Variants in TMEM178B observed in about 807,000 individuals in gnomAD.
The protein encoded by TMEM178B is transmembrane protein 178B.
Under a neutral mutation model 31.0 loss-of-function variants are expected in TMEM178B, and 5 were observed. The ratio of observed to expected loss-of-function variants is 0.16; its 90% CI spans 0.08 to 0.34. TMEM178B has a LOEUF of 0.34. Among genes scored for constraint, TMEM178B ranks in the 10% least tolerant of loss-of-function variants. The probability of loss-of-function intolerance (pLI) is 1.00; values close to 1 mark genes in which losing one functional copy is unlikely to be tolerated. For synonymous variants in TMEM178B, 164 were observed against 164.0 expected, an observed-to-expected ratio of 1.00 and a Z score of 0.00; for missense variants, 275 against 400.3, an observed-to-expected ratio of 0.69 and a Z score of 2.67.
At chr7:141,139,112 A>T (rs1362672012) in intron 1 of TMEM178B, among the ~76,000 whole-genome samples, 1 of 152,224 alleles carries the variant, frequency 6.6e-6, no homozygotes, top group South Asian at 2.1e-4. Context: ...CGCCAAAGTT[A>T]AACTTTATCT....
chr7:141,492,681 C>T, the TMEM178B span, among the ~76,000 whole-genome samples: 200 of 152,282 alleles, frequency 1.3e-3, no homozygotes, highest in African/African-American at 4.6e-3. Context: ...CTTCCACCTT[C>T]GTTTCATTTT....
At chr7:141,427,998 G>C (rs1197354465) in intron 2 of TMEM178B, among the ~76,000 whole-genome samples, 1 of 152,172 alleles carries the variant, frequency 6.6e-6, no homozygotes, top group African/African-American at 2.4e-5. Flanking sequence ...AAAACTGTTA[G>C]AGCAGGTAGT....
intron 3 of TMEM178B, among the ~76,000 whole-genome samples, chr7:141,444,136 A>G (rs1361407442): frequency 6.6e-6 from 1 of 152,204 alleles, no homozygotes; most frequent in Non-Finnish European, 1.5e-5. Flanking sequence ...TATTAGAGAA[A>G]GGTATCAGAA....
rs370827990 is a variant in TMEM178B at position 141,142,410 on chromosome 7, T to C, written c.382+67718T>C. Among the ~76,000 whole-genome samples, 92 of 151,630 alleles carry C rather than the reference T, an allele frequency of 6.1e-4. 4 individuals are homozygous for C. Among genetic ancestry groups the C allele is most frequent in the African/African-American group, 2.0e-3 (82 of 41,358 alleles). Reference sequence around the variant, plus strand: ...AATTTATTTTCTTTTTTCTTTTCTTTCTTTTTTTTTTTTTTGAGATGGAGT... The same window carrying C: ...AATTTATTTTCTTTTTTCTTTTCTTCCTTTTTTTTTTTTTTGAGATGGAGT... On this transcript the variant is annotated intron_variant, in intron 1 of 3. Transcript: ENST00000565468.
At chr7:141,359,946 AC>A (rs1292174807) in intron 2 of TMEM178B, among the ~76,000 whole-genome samples, 1 of 152,198 alleles carries the variant, frequency 6.6e-6, no homozygotes, top group Non-Finnish European at 1.5e-5. Flanking sequence ...CCTTCATGAA[AC>A]CATCAGATCT....
At chr7:141,141,288 T>A (rs1276284587) in intron 1 of TMEM178B, among the ~76,000 whole-genome samples, 2 of 152,150 alleles carry the variant, frequency 1.3e-5, no homozygotes, top group East Asian at 3.8e-4. Context: ...CCATCAATTT[T>A]TTTTTTCATC....
At chr7:141,441,520 G>T (rs1344521541) in intron 3 of TMEM178B, among the ~76,000 whole-genome samples, 2 of 152,168 alleles carry the variant, frequency 1.3e-5, no homozygotes, top group East Asian at 3.8e-4. Context: ...CTATAACCGA[G>T]CACCGACAGG....
intron 2 of TMEM178B, among the ~76,000 whole-genome samples, chr7:141,414,075 A>ATTTTTTTTT (rs1179943997): frequency 1.7e-5 from 1 of 58,348 alleles, no homozygotes; most frequent in Non-Finnish European, 3.0e-5. Context: ...CAAAAACATC[A>ATTTTTTTTT]TTTTTTTTTT....
At chr7:141,089,858 T>C (rs565813124) in intron 1 of TMEM178B, among the ~76,000 whole-genome samples, 245 of 151,454 alleles carry the variant, frequency 1.6e-3, no homozygotes, top group Middle Eastern at 3.4e-3. Flanking sequence ...CAGGGCCTGT[T>C]GTGGGGTTGG....
intron 2 of TMEM178B, among the ~76,000 whole-genome samples, chr7:141,279,431 G>A (rs1428906346): frequency 5.9e-5 from 9 of 152,176 alleles, no homozygotes; most frequent in Admixed American, 5.9e-4. Context: ...TTTATGAGAG[G>A]ATTTTATAGG....
At chr7:141,185,377 G>A (rs1435891203) in intron 1 of TMEM178B, among the ~76,000 whole-genome samples, 7 of 152,176 alleles carry the variant, frequency 4.6e-5, no homozygotes, top group Admixed American at 4.6e-4. Flanking sequence ...CTCAGCAGAT[G>A]AGGGAGCCAG....
chr7:141,184,087 C>A (rs1796571781), intron 1 of TMEM178B, among the ~76,000 whole-genome samples: 1 of 152,182 alleles, frequency 6.6e-6, no homozygotes, highest in Non-Finnish European at 1.5e-5. Flanking sequence ...TTGCAGAGTT[C>A]CCTGCAGAAC....
Position 141,477,363 on chromosome 7 carries a change from G to A in TMEM178B, c.*6577G>A, listed in dbSNP as rs80329458. On this transcript the variant is annotated 3_prime_UTR_variant, in exon 4 of 4. Coordinates refer to ENST00000565468, the MANE Select transcript of TMEM178B (RefSeq NM_001195278.2). The stretch of plus-strand genomic sequence containing the variant: ...TAGTTTTCTGAGGACTTCTGTGGAC[G>A]GCCCTAAAATCCTGAGTTAGGGTGG... 552 of 153,906 alleles carry A rather than the reference G, an allele frequency of 3.6e-3. 19 individuals carry two copies. The East Asian group carries it at 0.079, about 22-fold the overall frequency. The allele number at this position is 153,906 out of a possible 1,614,324, so 9.5% of individuals were successfully genotyped here. A position where few individuals can be genotyped will look rare whatever the true frequency, so the allele number is the denominator to read the frequency against.
Position 141,312,101 on chromosome 7 carries a change from A to G in TMEM178B, c.496+99397A>G, listed in dbSNP as rs368543137. The stretch of plus-strand genomic sequence containing the variant: ...CCTGGGTGGTCTTACTTATTCTCAC[A>G]TTTCCCATTACCTCCCATATGCTGT... On this transcript the variant is annotated intron_variant, in intron 2 of 3. Coordinates refer to ENST00000565468, the MANE Select transcript of TMEM178B (RefSeq NM_001195278.2). Among the ~76,000 whole-genome samples, 3 of 152,056 alleles carry G rather than the reference A, an allele frequency of 2.0e-5. No homozygotes were observed. In the South Asian group the frequency reaches 6.2e-4, roughly 32 times the overall value.
chr7:141,220,048 G>C (rs1390337048), intron 2 of TMEM178B, among the ~76,000 whole-genome samples: 1 of 152,106 alleles, frequency 6.6e-6, no homozygotes, highest in Non-Finnish European at 1.5e-5. Context: ...GGCCAGGCAT[G>C]GTGTCTCGTG....
At chr7:141,230,825 AGATTACAAGACAGCT>A (rs1270087211) in intron 2 of TMEM178B, among the ~76,000 whole-genome samples, 1 of 152,012 alleles carries the variant, frequency 6.6e-6, no homozygotes, top group African/African-American at 2.4e-5. Context: ...TATTTTTTGT[AGATTACAAGACAGCT>A]CAGAGGTTCT....
rs373280465 is a variant in TMEM178B, at chr7:141,355,299, G to A, written c.497-82309G>A. Among the ~76,000 whole-genome samples the A allele has an allele frequency of 4.6e-5, 7 of 152,176 alleles. No individual in the cohort carries two copies. In the East Asian group the frequency reaches 5.8e-4, roughly 13 times the overall value. On this transcript the variant is annotated intron_variant, in intron 2 of 3. Coordinates refer to ENST00000565468, the MANE Select transcript of TMEM178B (RefSeq NM_001195278.2). ...TAAAGGGAGTCAAAGGGGTGGATGGGAAATCTGGGGAAGAAAAACAGAGCC... is the reference window on the plus strand; with the variant it reads ...TAAAGGGAGTCAAAGGGGTGGATGGAAAATCTGGGGAAGAAAAACAGAGCC...
chr7:141,276,959 T>A (rs1586865474), intron 2 of TMEM178B, among the ~76,000 whole-genome samples: 2 of 152,306 alleles, frequency 1.3e-5, no homozygotes, highest in Admixed American at 1.3e-4. Context: ...AAAAATGCTA[T>A]ACCTGTATAG....
rs919941574 is a variant in TMEM178B at position 141,174,974 on chromosome 7, C to T, written c.383-37617C>T. ...GAAGCTCTTTAGTTTAATCAGATCC[C>T]GTTTGTCAATTTTGGCTTTTGTTGC... On this transcript the variant is annotated intron_variant, in intron 1 of 3. Coordinates refer to ENST00000565468, the MANE Select transcript of TMEM178B (RefSeq NM_001195278.2). Among the ~76,000 whole-genome samples the T allele has an allele frequency of 1.1e-4, 17 of 152,148 alleles. 1 individual carries two copies. The highest frequency in any genetic ancestry group is 8.5e-4 in the Admixed American group (13 of 15,274).
Sources: gnomAD v4.1 joint callset for allele counts (sites outside exome capture counted in the v4.1 genomes callset) on GRCh38, gnomAD v4.1.1 for gene constraint, MANE v1.5 for transcripts, NCBI Gene and HGNC (gene_info 2026-07-23, HGNC 2026-07-21) for gene names.